The following FAM53B variants were observed in gnomAD, a reference collection of about 807,000 sequenced individuals.
FAM53B encodes the protein protein FAM53B.
FAM53B carries 12 observed loss-of-function variants against 32.7 expected under a neutral mutation model. The ratio of observed to expected loss-of-function variants is 0.37; its 90% confidence interval spans 0.24 to 0.59. The LOEUF is 0.59. FAM53B is among the 20% of genes least tolerant of loss of function. The pLI is 0.72. For missense variants in FAM53B, 477 were observed against 577.7 expected (o/e 0.83, Z 1.79); for synonymous variants, 234 against 228.7 (o/e 1.02, Z -0.21).
intron 4 of FAM53B, among the ~76,000 whole-genome samples, chr10:124,645,559 C>T (rs981287970): frequency 2.6e-5 from 4 of 152,220 alleles, no homozygotes; most frequent in African/African-American, 9.6e-5. Flanking sequence ...GCTAAGATCA[C>T]TCCAAGAATC....
At chr10:124,670,908 A>G (rs980843612) in intron 4 of FAM53B, among the ~76,000 whole-genome samples, 1 of 152,160 alleles carries the variant, frequency 6.6e-6, no homozygotes, top group African/African-American at 2.4e-5. Flanking sequence ...CCCTTTCTGC[A>G]TTGCAGAAAC....
intron 1 of FAM53B, among the ~76,000 whole-genome samples, chr10:124,708,547 GA>G (rs777924350): frequency 7.9e-5 from 12 of 152,350 alleles, no homozygotes; most frequent in Middle Eastern, 6.8e-3. Context: ...TCTGTTCAAG[GA>G]AAGAATTTCA....
At chr10:124,730,111 T>C (rs767703804) in intron 1 of FAM53B, among the ~76,000 whole-genome samples, 1 of 152,190 alleles carries the variant, frequency 6.6e-6, no homozygotes, top group Non-Finnish European at 1.5e-5. Flanking sequence ...AGCCATCATT[T>C]TGAATGAATG....
At chr10:124,640,279 C>T (rs534709468) in intron 4 of FAM53B, among the ~76,000 whole-genome samples, 3 of 152,352 alleles carry the variant, frequency 2.0e-5, no homozygotes, top group South Asian at 2.1e-4. Flanking sequence ...CACACCTCTC[C>T]GGCCAGCACC....
intron 1 of FAM53B, among the ~76,000 whole-genome samples, chr10:124,709,936 A>G (rs1257860231): frequency 1.3e-5 from 2 of 152,176 alleles, no homozygotes; most frequent in Non-Finnish European, 2.9e-5. Flanking sequence ...ACCACGTCCA[A>G]CCCTATGTGA....
rs1241406309 is a variant in FAM53B, at chr10:124,627,994, T to C, written c.907-4390A>G. On this transcript the variant is annotated intron_variant, in intron 4 of 4. Coordinates refer to ENST00000337318, the MANE Select transcript of FAM53B (RefSeq NM_014661.4). ...CCTCAGGAAACTCATCAACTCAACA[T>C]ATCAGCTCTGTACTGCTGCCAGGCA... Among the ~76,000 whole-genome samples, 9 of 152,312 alleles carry C rather than the reference T, an allele frequency of 5.9e-5. No individual in the cohort carries two copies. The East Asian group carries it at 1.7e-3, about 29-fold the overall frequency.
At chr10:124,735,822 A>T (rs1950170229) in intron 1 of FAM53B, among the ~76,000 whole-genome samples, 1 of 152,220 alleles carries the variant, frequency 6.6e-6, no homozygotes, top group Non-Finnish European at 1.5e-5. Flanking sequence ...AGAAGAAGGA[A>T]TGGGGGCCAG....
chr10:124,681,500 C>A, intron 4 of FAM53B, 107 bp downstream of exon 4: 1 of 988,274 alleles, frequency 1.0e-6, no homozygotes, highest in Non-Finnish European at 1.5e-6. Context: ...AATTAACCCA[C>A]TCCTGGGTAT....
intron 4 of FAM53B, among the ~76,000 whole-genome samples, chr10:124,658,132 C>G (rs149623055): frequency 6.6e-6 from 1 of 152,340 alleles, no homozygotes; most frequent in African/African-American, 2.4e-5. Flanking sequence ...ACCCAGCAGA[C>G]AGTCTGGGGC....
chr10:124,712,519 C>T (rs1206805260), intron 1 of FAM53B, among the ~76,000 whole-genome samples: 2 of 152,138 alleles, frequency 1.3e-5, no homozygotes, highest in Non-Finnish European at 2.9e-5. Flanking sequence ...AATCGTGGGC[C>T]GCACTCTCAT....
Position 124,674,196 on chromosome 10 carries a change from G to A in FAM53B, c.906+7411C>T, listed in dbSNP as rs959794084. On this transcript the variant is annotated intron_variant, in intron 4 of 4. Transcript: ENST00000337318. ...GTGAGGCCTTCTTCTGGGGAGCAGG[G>A]ATGCGGCAGAGCACCTCAGCGCTGC... is the stretch of plus-strand genomic sequence containing the variant. Among the ~76,000 whole-genome samples the A allele has an allele frequency of 3.9e-5, 6 of 152,204 alleles. No individual in the cohort carries two copies. The East Asian group carries it at 1.2e-3, about 29-fold the overall frequency.
chr10:124,643,265 A>G (rs944670369), intron 4 of FAM53B, among the ~76,000 whole-genome samples: 2 of 152,226 alleles, frequency 1.3e-5, no homozygotes, highest in South Asian at 2.1e-4. Flanking sequence ...GATTGAGGGG[A>G]AAAAAATTAA....
intron 4 of FAM53B, among the ~76,000 whole-genome samples, chr10:124,672,318 C>CCGCA (rs771036556): frequency 1.3e-5 from 2 of 152,242 alleles, no homozygotes; most frequent in Non-Finnish European, 2.9e-5. Context: ...TCTCAACAGC[C>CCGCA]CGCAGGCACC....
At chr10:124,635,628 C>A (rs1462008395) in intron 4 of FAM53B, among the ~76,000 whole-genome samples, 1 of 152,130 alleles carries the variant, frequency 6.6e-6, no homozygotes, top group Non-Finnish European at 1.5e-5. Context: ...GCTCCTACAG[C>A]GTTAACCTGG....
At chr10:124,632,723 G>A (rs1564862252) in intron 4 of FAM53B, among the ~76,000 whole-genome samples, 1 of 152,234 alleles carries the variant, frequency 6.6e-6, no homozygotes, top group Admixed American at 6.5e-5. Flanking sequence ...ATCACCAACT[G>A]GTTTAGCCAC....
chr10:124,652,293 C>T (rs1361773917), intron 4 of FAM53B, among the ~76,000 whole-genome samples: 13 of 152,312 alleles, frequency 8.5e-5, no homozygotes, highest in Admixed American at 7.8e-4. Flanking sequence ...GTGCACAATA[C>T]GTTCACATCC....
chr10:124,716,943 C>A (rs1330662967), intron 1 of FAM53B, among the ~76,000 whole-genome samples: 2 of 152,064 alleles, frequency 1.3e-5, no homozygotes. Flanking sequence ...AGCCACTTAG[C>A]CTAAGACAAC....
At chr10:124,712,678 C>T (rs1209442946) in intron 1 of FAM53B, among the ~76,000 whole-genome samples, 1 of 152,118 alleles carries the variant, frequency 6.6e-6, no homozygotes, top group Non-Finnish European at 1.5e-5. Context: ...AGCCTGCTTC[C>T]ATACACAGCT....
intron 4 of FAM53B, among the ~76,000 whole-genome samples, chr10:124,629,138 C>T (rs1226152587): frequency 2.6e-5 from 4 of 152,254 alleles, no homozygotes; most frequent in East Asian, 1.9e-4. Context: ...AGACTGGCCA[C>T]GGGGCCCTGT....
Sources: allele counts gnomAD v4.1 joint callset (sites outside exome capture counted in the v4.1 genomes callset), GRCh38; gene constraint gnomAD v4.1.1; transcripts MANE v1.5; gene names NCBI Gene and HGNC (gene_info 2026-07-23, HGNC 2026-07-21).